The following RNF125 variants were observed in gnomAD, a reference collection of about 807,000 sequenced individuals.
The protein encoded by RNF125 is ring finger protein 125, also known as E3 ubiquitin-protein ligase RNF125.
A neutral mutation model predicts 26.0 loss-of-function variants in RNF125; 21 were observed. The observed-to-expected ratio is 0.81, with a 90% CI of 0.57 to 1.16. The LOEUF (loss-of-function observed/expected upper bound fraction) is 1.16. Ranked by LOEUF, RNF125 falls within the 50% of genes most tolerant of loss-of-function variation. RNF125 has a pLI of 0.00. For missense variants in RNF125, 270 were observed against 299.4 expected (o/e 0.90, Z 0.72); for synonymous variants, 95 against 109.2 (o/e 0.87, Z 0.81).
intron 4 of RNF125, among the ~76,000 whole-genome samples, chr18:32,061,506 T>C (rs1479824092): frequency 1.3e-5 from 2 of 152,088 alleles, no homozygotes; most frequent in African/African-American, 4.8e-5. Flanking sequence ...TCCAAACTCA[T>C]CCCCTACCAC....
chr18:32,044,078 CT>C (rs2039245263), intron 3 of RNF125, among the ~76,000 whole-genome samples: 1 of 151,946 alleles, frequency 6.6e-6, no homozygotes, highest in Admixed American at 6.6e-5. Flanking sequence ...GCAATCTTGG[CT>C]CACTGCAACC....
intron 2 of RNF125, chr18:32,041,857 C>T: frequency 4.7e-6 from 1 of 213,352 alleles, no homozygotes; most frequent in Non-Finnish European, 9.4e-6. Flanking sequence ...GTCTCGATCT[C>T]CTGACCTCGT....
At chr18:32,029,852 T>A (rs2039075281) in intron 1 of RNF125, among the ~76,000 whole-genome samples, 2 of 151,892 alleles carry the variant, frequency 1.3e-5, no homozygotes, top group Non-Finnish European at 2.9e-5. Context: ...ATCCAAAGGC[T>A]CTGGAGGAAT....
intron 4 of RNF125, among the ~76,000 whole-genome samples, chr18:32,065,020 TAATA>T (rs998370742): frequency 6.6e-6 from 1 of 152,214 alleles, no homozygotes; most frequent in African/African-American, 2.4e-5. Context: ...ATTGTTTAAA[TAATA>T]AATTGATGAA....
At chr18:32,078,305 T>G in the RNF125 span, among the ~76,000 whole-genome samples, 3 of 152,248 alleles carry the variant, frequency 2.0e-5, no homozygotes, top group South Asian at 4.1e-4. Flanking sequence ...GGAATCTATA[T>G]GCAGGATAAA....
intron 4 of RNF125, among the ~76,000 whole-genome samples, chr18:32,062,386 A>G (rs919432641): frequency 2.0e-5 from 3 of 152,216 alleles, no homozygotes; most frequent in Non-Finnish European, 4.4e-5. Context: ...CTCATTATAC[A>G]TAGTGGCATC....
chr18:32,025,434 TG>T (rs1172360552), intron 1 of RNF125, among the ~76,000 whole-genome samples: 2 of 151,480 alleles, frequency 1.3e-5, no homozygotes, highest in African/African-American at 2.4e-5. Context: ...GAGGCTGAGG[TG>T]GGGGGATCAC....
chr18:32,083,349 G>C, the RNF125 span, among the ~76,000 whole-genome samples: 1 of 152,234 alleles, frequency 6.6e-6, no homozygotes, highest in Non-Finnish European at 1.5e-5. Context: ...ATTGCTGCTA[G>C]AAGGGACTTT....
rs2039527163 is a variant in RNF125, at chr18:32,070,802, TCAAG to T, written c.*2422_*2425del. On this transcript the variant is annotated 3_prime_UTR_variant, in exon 6 of 6. Coordinates refer to ENST00000217740, the MANE Select transcript of RNF125 (RefSeq NM_017831.4). ...TCACTGCAACCTCTGCCTCCTGGAT[TCAAG>T]CAATTCTCCTGCCTCAGCTTCCCGA... 1 of 151,844 alleles carries T rather than the reference TCAAG, an allele frequency of 6.6e-6. No individual in the cohort carries two copies. Among genetic ancestry groups the T allele is most frequent in the Non-Finnish European group, 1.5e-5 (1 of 68,048 alleles). The allele number at this position is 151,844 out of a possible 1,614,324, so 9.4% of individuals were successfully genotyped here. A position where few individuals can be genotyped will look rare whatever the true frequency, so the allele number is the denominator to read the frequency against.
intron 4 of RNF125, among the ~76,000 whole-genome samples, chr18:32,056,961 TAC>T (rs931577508): frequency 9.2e-5 from 14 of 152,236 alleles, no homozygotes; most frequent in Admixed American, 3.3e-4. Flanking sequence ...TAAAGATTTT[TAC>T]ACAGTCGTAG....
intron 2 of RNF125, among the ~76,000 whole-genome samples, chr18:32,037,720 A>T (rs995298713): frequency 6.6e-6 from 1 of 152,030 alleles, no homozygotes; most frequent in African/African-American, 2.4e-5. Flanking sequence ...GGATTGTAAA[A>T]CACACCAATT....
At chr18:32,054,086 C>CTTTTT (rs35616121) in intron 4 of RNF125, among the ~76,000 whole-genome samples, 5 of 88,360 alleles carry the variant, frequency 5.7e-5, no homozygotes, top group Admixed American at 1.4e-4. Flanking sequence ...GACATTTGTA[C>CTTTTT]TTTTTTTTTT....
intron 4 of RNF125, among the ~76,000 whole-genome samples, chr18:32,060,986 C>T (rs1162528705): frequency 6.6e-6 from 1 of 152,160 alleles, no homozygotes; most frequent in Non-Finnish European, 1.5e-5. Context: ...AAAGTGAGAT[C>T]CCGTTTCAAA....
intron 1 of RNF125, among the ~76,000 whole-genome samples, chr18:32,025,896 A>G (rs2039029595): frequency 6.6e-6 from 1 of 151,786 alleles, no homozygotes; most frequent in Non-Finnish European, 1.5e-5. Flanking sequence ...GGGAGATTTT[A>G]AGCTTTCAAA....
chr18:32,054,503 A>G (rs940432853), intron 4 of RNF125, among the ~76,000 whole-genome samples: 9 of 152,200 alleles, frequency 5.9e-5, no homozygotes, highest in Middle Eastern at 3.2e-3. Context: ...TTATTTTTCC[A>G]TAAGTAATAG....
chr18:32,086,164 T>C, the RNF125 span, among the ~76,000 whole-genome samples: 101,107 of 151,522 alleles, frequency 0.67, 33,952 homozygotes, highest in Admixed American at 0.75. Context: ...ATCCTGCTTG[T>C]AGTTCCACGT....
intron 4 of RNF125, among the ~76,000 whole-genome samples, chr18:32,060,871 A>G (rs992680623): frequency 2.0e-5 from 3 of 152,230 alleles, no homozygotes; most frequent in Non-Finnish European, 2.9e-5. Context: ...CTAGTTGCCT[A>G]TTAACGTCAG....
chr18:32,074,002 T>C (rs973846969), downstream of RNF125, among the ~76,000 whole-genome samples: 4 of 152,220 alleles, frequency 2.6e-5, no homozygotes, highest in African/African-American at 7.2e-5. Context: ...AGGCTAATCA[T>C]TGCCACCAAA....
Position 32,037,254 on chromosome 18 carries a change from T to C in RNF125, c.303T>C (p.Ala101=). The change falls in exon 2 of 6, where the codon GCT becomes GCC. Residue 101 remains alanine, a synonymous_variant. Transcript: ENST00000217740. ...TGAAATCAGAGTATAAGAACTGCGCTGAGTGTGACACCCTGGTATGTATGT... is the reference window on the plus strand; with the variant it reads ...TGAAATCAGAGTATAAGAACTGCGCCGAGTGTGACACCCTGGTATGTATGT... ...KRMKSEYKNC[A]ECDTLVCLSE... is the part of the protein sequence containing the mutation. 1 of 1,582,426 alleles carries C rather than the reference T, an allele frequency of 6.3e-7. No individual in the cohort carries two copies.
Sources: gnomAD v4.1 joint callset for allele counts (sites outside exome capture counted in the v4.1 genomes callset) on GRCh38, gnomAD v4.1.1 for gene constraint, MANE v1.5 for transcripts, NCBI Gene and HGNC (gene_info 2026-07-23, HGNC 2026-07-21) for gene names.